Variants in SLC2A14 observed in about 807,000 individuals in gnomAD.
SLC2A14 encodes the protein solute carrier family 2, facilitated glucose transporter member 14.
In SLC2A14, 13 loss-of-function variants were observed where a neutral mutation model predicts 43.0. The ratio of observed to expected loss-of-function variants is 0.30; its 90% confidence interval spans 0.20 to 0.48. The LOEUF is 0.48. Ranked by LOEUF, SLC2A14 falls within the 20% of genes least tolerant of loss-of-function variation. SLC2A14 has a pLI of 0.99. For missense variants in SLC2A14, 428 were observed against 620.4 expected (o/e 0.69, Z 3.29); for synonymous variants, 190 against 233.8 (o/e 0.81, Z 1.71).
At chr12:7,873,830 C>T (rs1945359419), upstream of SLC2A14, among the ~76,000 whole-genome samples, 3 of 152,020 alleles carry the variant, frequency 2.0e-5, no homozygotes, top group Admixed American at 2.0e-4. Flanking sequence ...GGGTAAGGCC[C>T]CTGCAGACAG....
intron 2 of SLC2A14, among the ~76,000 whole-genome samples, chr12:7,865,486 G>A (rs762662454): frequency 4.0e-5 from 6 of 151,732 alleles, no homozygotes; most frequent in South Asian, 2.1e-4. Context: ...ACAGTGAGCC[G>A]AGATCGTGCC....
chr12:7,818,976 G>C (rs577390025), intron 9 of SLC2A14, among the ~76,000 whole-genome samples: 42 of 152,190 alleles, frequency 2.8e-4, no homozygotes, highest in Non-Finnish European at 5.7e-4. Context: ...CCAGCACTTT[G>C]GGAGGCTGAG....
chr12:7,871,258 A>G (rs1565579783), intron 1 of SLC2A14: 3 of 1,203,452 alleles, frequency 2.5e-6, no homozygotes, highest in Non-Finnish European at 1.1e-6. Flanking sequence ...TGACAGCTTC[A>G]CAGATGAAGA....
intron 1 of SLC2A14, among the ~76,000 whole-genome samples, chr12:7,890,553 C>G (rs1329257086): frequency 6.6e-6 from 1 of 152,062 alleles, no homozygotes; most frequent in Non-Finnish European, 1.5e-5. Context: ...AAATTGTTAG[C>G]TCATTTTAAC....
chr12:7,846,826 G>T (rs750866119), intron 2 of SLC2A14, among the ~76,000 whole-genome samples: 1 of 151,446 alleles, frequency 6.6e-6, no homozygotes, highest in Non-Finnish European at 1.5e-5. Flanking sequence ...TAGAGACAGG[G>T]TTTCACTGTG....
chr12:7,856,839 AT>A (rs200793187), intron 2 of SLC2A14, among the ~76,000 whole-genome samples: 41,361 of 146,022 alleles, frequency 0.28, 5,723 homozygotes, highest in Middle Eastern at 0.35. Context: ...ATGAATGCTA[AT>A]TTTTTTTTTT....
chr12:7,826,786 A>G (rs1188071283), intron 7 of SLC2A14, among the ~76,000 whole-genome samples: 1 of 151,792 alleles, frequency 6.6e-6, no homozygotes, highest in Non-Finnish European at 1.5e-5. Flanking sequence ...GCTCAGTCTG[A>G]AGTTGCCAGT....
In SLC2A14 at chr12:7,825,459, C is replaced by CAA. The variant is rs34023090; in HGVS notation, c.864+2034_864+2035dup. Among the ~76,000 whole-genome samples the CAA allele has an allele frequency of 5.1e-3, 674 of 131,612 alleles. 11 individuals carry two copies. Among genetic ancestry groups the CAA allele is most frequent in the African/African-American group, 0.016 (594 of 36,262 alleles). The allele number at this position is 131,612 out of a possible 152,430, so 86.3% of individuals were successfully genotyped here. A position where few individuals can be genotyped will look rare whatever the true frequency, so the allele number is the denominator to read the frequency against. ...TGGGCGACAGAGCAAGACTACCTCT[C>CAA]AAAAAAAAAAAAAGAAAGAGCAAGC... is the stretch of plus-strand genomic sequence containing the variant. On this transcript the variant is annotated intron_variant, in intron 7 of 10. Transcript: ENST00000431042.
At chr12:7,879,458 G>C (rs929973085) in intron 1 of SLC2A14, among the ~76,000 whole-genome samples, 1 of 152,026 alleles carries the variant, frequency 6.6e-6, no homozygotes, top group Non-Finnish European at 1.5e-5. Flanking sequence ...AAGGGGAGCG[G>C]ATCAACTGAG....
chr12:7,836,871 T>TA (rs1218368484), intron 2 of SLC2A14, among the ~76,000 whole-genome samples: 5 of 150,558 alleles, frequency 3.3e-5, no homozygotes, highest in Non-Finnish European at 7.4e-5. Context: ...ATTAAAAAAA[T>TA]AAAAAGAAAC....
intron 1 of SLC2A14, chr12:7,872,120 T>A (rs1945267592): frequency 6.3e-6 from 1 of 157,534 alleles, no homozygotes; most frequent in South Asian, 2.0e-4. Flanking sequence ...CCAAGGACAC[T>A]TGGCCTTACT....
At chr12:7,863,470 C>CA (rs1350425470) in intron 2 of SLC2A14, 12 of 449,486 alleles carry the variant, frequency 2.7e-5, no homozygotes, top group Admixed American at 4.8e-5. Context: ...ATTAAAAATA[C>CA]AAAAAAATTA....
At chr12:7,877,472 C>A (rs1484419109), upstream of SLC2A14, among the ~76,000 whole-genome samples, 1 of 151,612 alleles carries the variant, frequency 6.6e-6, no homozygotes, top group Non-Finnish European at 1.5e-5. Flanking sequence ...GTTGCCCGGG[C>A]TAGAATGCAA....
At chr12:7,890,041 T>A (rs1299628850) in intron 1 of SLC2A14, among the ~76,000 whole-genome samples, 1 of 152,106 alleles carries the variant, frequency 6.6e-6, no homozygotes, top group Non-Finnish European at 1.5e-5. Context: ...GCTGGCTCCT[T>A]TACTGCAACC....
chr12:7,851,795 G>C (rs1027537072), intron 2 of SLC2A14, among the ~76,000 whole-genome samples: 1 of 152,082 alleles, frequency 6.6e-6, no homozygotes, highest in Admixed American at 6.6e-5. Context: ...GCCTGAGAAT[G>C]AAGCTATTTA....
In SLC2A14 at chr12:7,816,107, A is replaced by T. The variant is rs1277218077; in HGVS notation, c.1276-1573T>A. Reference sequence around the variant, plus strand: ...ATTTTTTATTTTTTTTATTTTTTTTATTTTTTTTGAGACGGAGTCTCGCTC... The same window carrying T: ...ATTTTTTATTTTTTTTATTTTTTTTTTTTTTTTTGAGACGGAGTCTCGCTC... On this transcript the variant is annotated intron_variant, in intron 10 of 10. Transcript: ENST00000431042. Among the ~76,000 whole-genome samples the T allele has an allele frequency of 1.8e-3, 79 of 42,886 alleles. 20 individuals carry two copies. The highest frequency in any genetic ancestry group is 9.8e-3 in the African/African-American group (74 of 7,566). 28.1% of individuals were successfully genotyped at this position (42,886 alleles called of 152,430 possible).
At chr12:7,879,781 G>C (rs1191881184) in intron 1 of SLC2A14, among the ~76,000 whole-genome samples, 1 of 152,094 alleles carries the variant, frequency 6.6e-6, no homozygotes, top group Non-Finnish European at 1.5e-5. Flanking sequence ...AAAGCAGGAG[G>C]AACACTTGAG....
intron 4 of SLC2A14, chr12:7,831,354 A>C (rs1865008556): frequency 2.1e-6 from 1 of 482,310 alleles, no homozygotes; most frequent in Non-Finnish European, 3.7e-6. Flanking sequence ...ATTCTGAACT[A>C]TCCCTAACTG....
chr12:7,879,816 C>G (rs1370857025), intron 1 of SLC2A14, among the ~76,000 whole-genome samples: 1 of 152,046 alleles, frequency 6.6e-6, no homozygotes, highest in Non-Finnish European at 1.5e-5. Flanking sequence ...ACCAGCCTGG[C>G]CAACATGGTG....
Sources: allele counts gnomAD v4.1 joint callset (sites outside exome capture counted in the v4.1 genomes callset), GRCh38; gene constraint gnomAD v4.1.1; transcripts MANE v1.5; gene names NCBI Gene and HGNC (gene_info 2026-07-23, HGNC 2026-07-21).